Variants in UBA6 observed in about 807,000 individuals in gnomAD.
UBA6 encodes ubiquitin-like modifier-activating enzyme 6.
A neutral mutation model predicts 148.3 loss-of-function variants in UBA6; 87 were observed. The observed-to-expected ratio is 0.59, with a 90% confidence interval of 0.49 to 0.70. UBA6 has a LOEUF of 0.70. Among genes scored for constraint, UBA6 ranks in the 30% least tolerant of loss-of-function variants. The pLI, the probability that UBA6 is intolerant of heterozygous loss-of-function variation, is 0.00. For missense variants in UBA6, 1,186 were observed against 1,241.2 expected (o/e 0.96, Z 0.67); for synonymous variants, 376 against 401.0 (o/e 0.94, Z 0.75).
chr4:67,675,824 G>A (rs904318645), intron 6 of UBA6, among the ~76,000 whole-genome samples: 1 of 152,104 alleles, frequency 6.6e-6, no homozygotes, highest in South Asian at 2.1e-4. Flanking sequence ...AATTCTTTGA[G>A]GTTTAATAGT....
chr4:67,638,957 C>T lies in UBA6; in HGVS notation c.1722G>A (p.Arg574=). ...IITALDNVEA[R]RYVDSRCLAN... is the part of the protein sequence containing the mutation. Reference sequence around the variant, plus strand: ...CAAGAACATACCTGTCTACGTATCTCCTGGCTTCCACATTATCTAATGCTG... The same window carrying T: ...CAAGAACATACCTGTCTACGTATCTTCTGGCTTCCACATTATCTAATGCTG... The change falls in exon 19 of 33, where the codon AGG becomes AGA. Residue 574 remains arginine, a synonymous_variant. Coordinates refer to ENST00000322244, the MANE Select transcript of UBA6 (RefSeq NM_018227.6). 1 of 1,606,256 alleles carries T rather than the reference C, an allele frequency of 6.2e-7. No homozygotes were observed. The highest frequency in any genetic ancestry group is 8.5e-7 in the Non-Finnish European group (1 of 1,175,516).
At chr4:67,648,517 T>C (rs1729477072) in intron 14 of UBA6, among the ~76,000 whole-genome samples, 1 of 151,372 alleles carries the variant, frequency 6.6e-6, no homozygotes, top group African/African-American at 2.4e-5. Flanking sequence ...ATTCAAAATG[T>C]TTATGGTGTT....
chr4:67,698,054 C>T (rs916269237), intron 1 of UBA6, among the ~76,000 whole-genome samples: 2 of 152,226 alleles, frequency 1.3e-5, no homozygotes, highest in African/African-American at 4.8e-5. Context: ...GACTTGTTTG[C>T]TGTTTCGCAA....
intron 13 of UBA6, among the ~76,000 whole-genome samples, chr4:67,655,544 G>C (rs1254635158): frequency 1.3e-5 from 2 of 152,218 alleles, no homozygotes; most frequent in Admixed American, 1.3e-4. Flanking sequence ...AAAGCAGTGT[G>C]TAGAGGGAAA....
chr4:67,650,595 A>G (rs895298083), intron 13 of UBA6, among the ~76,000 whole-genome samples: 3 of 152,196 alleles, frequency 2.0e-5, no homozygotes, highest in Non-Finnish European at 4.4e-5. Context: ...AGAATATTAT[A>G]AATTTCAAAT....
chr4:67,635,504 C>A lies in UBA6; in HGVS notation c.1791G>T (p.Lys597Asn). 6.2e-7 allele frequency: 1 copy of A among 1,613,086 alleles called. No homozygotes were observed. The highest frequency in any genetic ancestry group is 1.1e-5 in the South Asian group (1 of 91,048). ...GCGGTACAATAACTTCAGTGTGTCC[C>A]TTAGTGCCCATTGTTCCAGAATCTA... ...PLLDSGTMGT[K>N]GHTEVIVPHL... Residue 597 changes from lysine (K) to asparagine (N), a missense_variant, in exon 20 of 33, where the codon AAG becomes AAT. Lys to Asn is a moderately conservative substitution (Grantham distance 94). Transcript: ENST00000322244.
chr4:67,676,808 G>T (rs572899268), intron 6 of UBA6, among the ~76,000 whole-genome samples: 1 of 151,864 alleles, frequency 6.6e-6, no homozygotes, highest in South Asian at 2.1e-4. Flanking sequence ...GAAATTCTAG[G>T]TGCTTTGTAG....
chr4:67,657,615 G>A (rs1277018996), intron 13 of UBA6, among the ~76,000 whole-genome samples: 1 of 152,050 alleles, frequency 6.6e-6, no homozygotes, highest in African/African-American at 2.4e-5. Context: ...CATAGGCATG[G>A]AGGAAGACTT....
At chr4:67,622,505 T>A (rs371992475) in intron 32 of UBA6, among the ~76,000 whole-genome samples, 10 of 152,152 alleles carry the variant, frequency 6.6e-5, no homozygotes, top group African/African-American at 2.4e-4. Context: ...AAACAATAAT[T>A]TGTTGAATAA....
At position 67,616,559 on chromosome 4, in the gene UBA6, G is replaced by A. The variant is rs918253144; in HGVS notation, c.*2438C>T. The A allele has an allele frequency of 1.9e-5, 3 of 155,732 alleles. No individual in the cohort carries two copies. The highest frequency in any genetic ancestry group is 2.1e-4 in the South Asian group (1 of 4,868). 9.6% of individuals were successfully genotyped at this position (155,732 alleles called of 1,614,324 possible). ...GGACTTTACAAATCCCTAACCAGTA[G>A]TATGGGATTTACCAGATCCTCTAGG... On this transcript the variant is annotated 3_prime_UTR_variant, in exon 33 of 33. Coordinates refer to ENST00000322244, the MANE Select transcript of UBA6 (RefSeq NM_018227.6).
chr4:67,679,697 C>T (rs568331491), intron 4 of UBA6, among the ~76,000 whole-genome samples: 51 of 151,742 alleles, frequency 3.4e-4, no homozygotes, highest in Non-Finnish European at 6.5e-4. Context: ...AAACCAAAAT[C>T]CTAATAAGAT....
chr4:67,657,094 C>A (rs576829213), intron 13 of UBA6, among the ~76,000 whole-genome samples: 1 of 152,134 alleles, frequency 6.6e-6, no homozygotes, highest in East Asian at 1.9e-4. Context: ...ATCATTAAAA[C>A]GCCCATACTG....
chr4:67,650,434 T>G (rs1729526111), intron 13 of UBA6, among the ~76,000 whole-genome samples: 1 of 152,106 alleles, frequency 6.6e-6, no homozygotes, highest in Non-Finnish European at 1.5e-5. Context: ...TATTTTTTAG[T>G]ACACAAACAT....
At chr4:67,637,808 C>A (rs900029577) in intron 19 of UBA6, among the ~76,000 whole-genome samples, 15 of 152,038 alleles carry the variant, frequency 9.9e-5, no homozygotes, top group African/African-American at 3.6e-4. Context: ...CTGCGGTAGG[C>A]CACAGGGTCC....
intron 13 of UBA6, among the ~76,000 whole-genome samples, chr4:67,656,067 G>T (rs1236142339): frequency 6.6e-6 from 1 of 152,116 alleles, no homozygotes; most frequent in East Asian, 1.9e-4. Context: ...ACCAAAAAGA[G>T]TCCAGGACCA....
intron 6 of UBA6, among the ~76,000 whole-genome samples, chr4:67,677,256 G>A (rs976286936): frequency 2.6e-5 from 4 of 152,160 alleles, no homozygotes; most frequent in Admixed American, 6.5e-5. Context: ...ACACATGGGG[G>A]AGAACCCAAA....
At chr4:67,674,017 G>A (rs1276484329) in intron 6 of UBA6, among the ~76,000 whole-genome samples, 1 of 152,062 alleles carries the variant, frequency 6.6e-6, no homozygotes, top group Admixed American at 6.5e-5. Context: ...ACCATCACAC[G>A]CTTTATGATT....
At chr4:67,685,783 CCTCT>C (rs147261900) in intron 2 of UBA6, among the ~76,000 whole-genome samples, 1 of 152,006 alleles carries the variant, frequency 6.6e-6, no homozygotes, top group South Asian at 2.1e-4. Context: ...CCCCTATTGC[CCTCT>C]CTTACTCTTG....
intron 1 of UBA6, among the ~76,000 whole-genome samples, chr4:67,697,457 C>A (rs895068200): frequency 6.6e-6 from 1 of 152,166 alleles, no homozygotes; most frequent in Non-Finnish European, 1.5e-5. Flanking sequence ...TGTGATCTTT[C>A]CTCTGACCTC....
Sources: allele counts gnomAD v4.1 joint callset (sites outside exome capture counted in the v4.1 genomes callset), GRCh38; gene constraint gnomAD v4.1.1; transcripts MANE v1.5; gene names NCBI Gene and HGNC (gene_info 2026-07-23, HGNC 2026-07-21).